The following TMEM131 variants were observed in gnomAD, a reference collection of about 807,000 sequenced individuals.
TMEM131 encodes transmembrane protein 131, also known as 2610524E03Rik.
TMEM131 carries 66 observed loss-of-function variants against 211.6 expected under a neutral mutation model. The ratio of observed to expected loss-of-function variants is 0.31; its 90% CI spans 0.26 to 0.38. The LOEUF (loss-of-function observed/expected upper bound fraction) is 0.38. Among genes scored for constraint, TMEM131 ranks in the 10% least tolerant of loss-of-function variants. TMEM131 has a pLI of 1.00. For synonymous variants in TMEM131, 844 were observed against 841.3 expected, an observed-to-expected ratio of 1.00 and a Z score of -0.06; for missense variants, 2,036 against 2,299.3, an observed-to-expected ratio of 0.89 and a Z score of 2.34.
At chr2:97,846,864 G>A (rs534796524) in intron 5 of TMEM131, among the ~76,000 whole-genome samples, 1 of 152,260 alleles carries the variant, frequency 6.6e-6, no homozygotes, top group East Asian at 1.9e-4. Flanking sequence ...CCTCTCTTAT[G>A]ACAGCTATCT....
chr2:97,982,439 G>A (rs565251227), intron 1 of TMEM131, among the ~76,000 whole-genome samples: 24 of 151,874 alleles, frequency 1.6e-4, no homozygotes, highest in African/African-American at 5.3e-4. Context: ...CATGATTTGC[G>A]AAAATTTTTC....
At chr2:97,848,342 A>G (rs1683541263) in intron 5 of TMEM131, among the ~76,000 whole-genome samples, 1 of 152,186 alleles carries the variant, frequency 6.6e-6, no homozygotes, top group African/African-American at 2.4e-5. Context: ...AAAATCTAAA[A>G]CTATTATGGT....
chr2:97,844,135 T>C lies in TMEM131; in HGVS notation c.600+10A>G, dbSNP rs1255519874. On this transcript the variant is annotated intron_variant, in intron 6 of 40. Coordinates refer to ENST00000186436, the MANE Select transcript of TMEM131 (RefSeq NM_015348.2). ...TATTGTATAAAATAAGTTTTAATTC[T>C]GGTTCTTACCTGGTAAGTAAATACC... 2 of 877,662 alleles carry C rather than the reference T, an allele frequency of 2.3e-6. No homozygotes were observed. Among genetic ancestry groups the C allele is most frequent in the Non-Finnish European group, 3.2e-6 (2 of 627,900 alleles). 54.4% of individuals were successfully genotyped at this position (877,662 alleles called of 1,614,324 possible).
chr2:97,807,662 T>C (rs953505474), intron 19 of TMEM131, among the ~76,000 whole-genome samples: 1 of 152,226 alleles, frequency 6.6e-6, no homozygotes, highest in African/African-American at 2.4e-5. Context: ...GACCAACATC[T>C]TGTTTTTATA....
chr2:97,844,873 C>T (rs529508081), intron 5 of TMEM131, among the ~76,000 whole-genome samples: 4 of 152,082 alleles, frequency 2.6e-5, no homozygotes, highest in Non-Finnish European at 5.9e-5. Context: ...CGGTTCTGCC[C>T]TGAAACAAAG....
intron 4 of TMEM131, among the ~76,000 whole-genome samples, chr2:97,861,032 C>T (rs1467583355): frequency 6.6e-6 from 1 of 152,184 alleles, no homozygotes; most frequent in Admixed American, 6.5e-5. Flanking sequence ...GAACTCAGTG[C>T]TGCCCTGTCA....
rs776679695 is a variant in TMEM131, at chr2:97,757,086, T to G, written c.*13A>C. 1.9e-6 allele frequency: 3 copies of G among 1,571,546 alleles called. No homozygotes were observed. The highest frequency in any genetic ancestry group is 2.6e-6 in the Non-Finnish European group (3 of 1,155,154). ...GACGAGGGCCCACTATGTTTGTTTG[T>G]TTTTTGCTTAATTTAATTCTCGTGA... On this transcript the variant is annotated 3_prime_UTR_variant, in exon 41 of 41. Coordinates refer to ENST00000186436, the MANE Select transcript of TMEM131 (RefSeq NM_015348.2).
intron 1 of TMEM131, among the ~76,000 whole-genome samples, chr2:97,959,477 CTG>C (rs1473313252): frequency 6.6e-6 from 1 of 152,154 alleles, no homozygotes; most frequent in South Asian, 2.1e-4. Flanking sequence ...GTTAAAACAA[CTG>C]TATTTATCAG....
chr2:97,832,881 C>T (rs1432577224), intron 11 of TMEM131, among the ~76,000 whole-genome samples: 22 of 152,232 alleles, frequency 1.4e-4, no homozygotes, highest in Admixed American at 1.1e-3. Flanking sequence ...GTGCTGCCTA[C>T]GGTAACTCAA....
intron 1 of TMEM131, among the ~76,000 whole-genome samples, chr2:97,984,104 A>G (rs1483860777): frequency 2.6e-5 from 4 of 152,066 alleles, no homozygotes; most frequent in Admixed American, 6.5e-5. Flanking sequence ...GTTAACATAA[A>G]CCATATATAC....
At chr2:97,902,138 CAAAT>C (rs1166961227) in intron 3 of TMEM131, among the ~76,000 whole-genome samples, 2 of 151,246 alleles carry the variant, frequency 1.3e-5, no homozygotes, top group South Asian at 2.1e-4. Context: ...CAGAGAGAAA[CAAAT>C]AAACTAAACT....
chr2:97,827,955 T>A (rs902030006), intron 11 of TMEM131, among the ~76,000 whole-genome samples: 1 of 152,228 alleles, frequency 6.6e-6, no homozygotes, highest in Admixed American at 6.5e-5. Flanking sequence ...TGTTTTTTAG[T>A]AGAATTGTTT....
At chr2:97,813,316 TA>T (rs1681648159) in intron 15 of TMEM131, among the ~76,000 whole-genome samples, 1 of 152,236 alleles carries the variant, frequency 6.6e-6, no homozygotes, top group Admixed American at 6.5e-5. Flanking sequence ...CCTCCAGCTC[TA>T]AAATTCTAAT....
At chr2:97,875,392 C>T (rs952955390) in intron 4 of TMEM131, among the ~76,000 whole-genome samples, 1 of 152,168 alleles carries the variant, frequency 6.6e-6, no homozygotes, top group African/African-American at 2.4e-5. Flanking sequence ...CAGAACTCTC[C>T]ACCCCTAATC....
At chr2:97,985,288 T>C (rs1679975034) in intron 1 of TMEM131, among the ~76,000 whole-genome samples, 1 of 152,018 alleles carries the variant, frequency 6.6e-6, no homozygotes, top group African/African-American at 2.4e-5. Flanking sequence ...ATATTAATAT[T>C]AGATTGAATA....
At chr2:97,761,932 C>T in intron 36 of TMEM131, 103 bp downstream of exon 36, 1 of 1,314,720 alleles carries the variant, frequency 7.6e-7, no homozygotes, top group Non-Finnish European at 1.0e-6. Flanking sequence ...GAAGTAACAC[C>T]AGACAGTGGC....
intron 8 of TMEM131, among the ~76,000 whole-genome samples, chr2:97,836,821 T>C (rs1573438178): frequency 6.6e-6 from 1 of 152,206 alleles, no homozygotes; most frequent in South Asian, 2.1e-4. Context: ...GGAGGAAGAA[T>C]AGCTGAAGTT....
At chr2:97,757,765 A>G (rs1678578591) in intron 40 of TMEM131, among the ~76,000 whole-genome samples, 1 of 152,248 alleles carries the variant, frequency 6.6e-6, no homozygotes, top group Non-Finnish European at 1.5e-5. Flanking sequence ...TTGTAAAGAG[A>G]GTTGTATTGG....
intron 7 of TMEM131, among the ~76,000 whole-genome samples, chr2:97,839,074 G>C (rs1338303230): frequency 6.6e-6 from 1 of 152,052 alleles, no homozygotes; most frequent in African/African-American, 2.4e-5. Flanking sequence ...CTGTAATCCC[G>C]GCACTTTGGG....
Sources: allele counts gnomAD v4.1 joint callset (sites outside exome capture counted in the v4.1 genomes callset), GRCh38; gene constraint gnomAD v4.1.1; transcripts MANE v1.5; gene names NCBI Gene and HGNC (gene_info 2026-07-23, HGNC 2026-07-21).